Variants in KCNMB2 observed in about 807,000 individuals in gnomAD.
KCNMB2 encodes potassium calcium-activated channel subfamily M regulatory beta subunit 2.
KCNMB2 carries 9 observed loss-of-function variants against 24.5 expected under a neutral mutation model. The ratio of observed to expected loss-of-function variants is 0.37; its 90% CI spans 0.22 to 0.64. The LOEUF is 0.64. Among genes scored for constraint, KCNMB2 ranks in the 30% least tolerant of loss-of-function variants. The pLI is 0.63. For synonymous variants in KCNMB2, 109 were observed against 104.4 expected, an observed-to-expected ratio of 1.04 and a Z score of -0.27; for missense variants, 226 against 284.3, an observed-to-expected ratio of 0.79 and a Z score of 1.47.
chr3:178,660,738 A>G (rs1053636227), intron 1 of KCNMB2, among the ~76,000 whole-genome samples: 2 of 152,156 alleles, frequency 1.3e-5, no homozygotes, highest in African/African-American at 4.8e-5. Flanking sequence ...GCTCAGGGTC[A>G]CAGAGCTGGT....
intron 1 of KCNMB2, among the ~76,000 whole-genome samples, chr3:178,610,610 C>T (rs1004400230): frequency 6.6e-6 from 1 of 152,194 alleles, no homozygotes; most frequent in Admixed American, 6.5e-5. Flanking sequence ...CTGTATCCTG[C>T]AACTTTACTG....
chr3:178,573,343 G>A (rs1223626276), intron 1 of KCNMB2, among the ~76,000 whole-genome samples: 1 of 152,074 alleles, frequency 6.6e-6, no homozygotes, highest in Non-Finnish European at 1.5e-5. Flanking sequence ...AAAAGTTTAT[G>A]AATTAAGGTC....
At chr3:178,703,636 C>T (rs775907281) in intron 1 of KCNMB2, among the ~76,000 whole-genome samples, 4 of 152,164 alleles carry the variant, frequency 2.6e-5, no homozygotes, top group Non-Finnish European at 5.9e-5. Flanking sequence ...TAATGCTGGA[C>T]CAAAATTATA....
chr3:178,732,145 C>T (rs1408475684), intron 1 of KCNMB2, among the ~76,000 whole-genome samples: 3 of 151,910 alleles, frequency 2.0e-5, no homozygotes, highest in East Asian at 1.9e-4. Flanking sequence ...AAAAAATTTG[C>T]GAGATACAAC....
At chr3:178,684,718 C>A (rs553351651) in intron 1 of KCNMB2, among the ~76,000 whole-genome samples, 4 of 152,186 alleles carry the variant, frequency 2.6e-5, no homozygotes, top group African/African-American at 9.6e-5. Context: ...GTAATCCCAA[C>A]TACTCGGGAG....
At chr3:178,800,646 C>T (rs983946562) in intron 1 of KCNMB2, among the ~76,000 whole-genome samples, 2 of 152,026 alleles carry the variant, frequency 1.3e-5, no homozygotes, top group African/African-American at 4.8e-5. Context: ...ATAAATAGAA[C>T]TACCATATAA....
At chr3:178,803,719 CTG>C (rs1280329835) in intron 1 of KCNMB2, among the ~76,000 whole-genome samples, 1 of 152,020 alleles carries the variant, frequency 6.6e-6, no homozygotes, top group African/African-American at 2.4e-5. Context: ...GATGAAGAAA[CTG>C]TTCATATGGG....
chr3:178,758,223 TATATATATATCCAAGGGG>T (rs1724264857), intron 1 of KCNMB2, among the ~76,000 whole-genome samples: 2 of 61,204 alleles, frequency 3.3e-5, no homozygotes, highest in Non-Finnish European at 5.7e-5. Context: ...GGGATATATA[TATATATATATCCAAGGGG>T]ATATATATAT....
intron 4 of KCNMB2, among the ~76,000 whole-genome samples, chr3:178,840,557 T>C (rs748169773): frequency 6.6e-6 from 1 of 152,278 alleles, no homozygotes; most frequent in African/African-American, 2.4e-5. Context: ...CAGGCATTTC[T>C]ATCTATCCTC....
intron 1 of KCNMB2, among the ~76,000 whole-genome samples, chr3:178,633,766 T>G (rs1399921011): frequency 6.6e-6 from 1 of 152,270 alleles, no homozygotes; most frequent in Non-Finnish European, 1.5e-5. Flanking sequence ...ACTACTGGCT[T>G]GAATTTCTTC....
At chr3:178,787,257 G>A (rs527657894) in intron 1 of KCNMB2, among the ~76,000 whole-genome samples, 3 of 152,186 alleles carry the variant, frequency 2.0e-5, no homozygotes, top group East Asian at 3.9e-4. Context: ...TATACTTAAT[G>A]CTTCCCATGT....
intron 1 of KCNMB2, among the ~76,000 whole-genome samples, chr3:178,652,416 T>C (rs976924030): frequency 1.3e-5 from 2 of 152,002 alleles, no homozygotes; most frequent in South Asian, 2.1e-4. Context: ...TGTATACCTA[T>C]GTAAAAAACC....
chr3:178,779,150 C>A (rs1021497331), intron 1 of KCNMB2, among the ~76,000 whole-genome samples: 1 of 152,196 alleles, frequency 6.6e-6, no homozygotes, highest in Non-Finnish European at 1.5e-5. Context: ...ACAACATGGA[C>A]CTTCTACTTG....
chr3:178,570,469 A>G (rs1716732482), intron 1 of KCNMB2, among the ~76,000 whole-genome samples: 3 of 151,568 alleles, frequency 2.0e-5, no homozygotes. Context: ...CATTATAATT[A>G]AAATATTTCC....
At chr3:178,631,884 T>A (rs948516746) in intron 1 of KCNMB2, among the ~76,000 whole-genome samples, 2 of 152,208 alleles carry the variant, frequency 1.3e-5, no homozygotes, top group Non-Finnish European at 2.9e-5. Context: ...AATTCTCACA[T>A]GGAGAAAACA....
intron 1 of KCNMB2, among the ~76,000 whole-genome samples, chr3:178,596,250 T>A (rs1183769902): frequency 6.6e-6 from 1 of 152,172 alleles, no homozygotes; most frequent in Non-Finnish European, 1.5e-5. Context: ...TCAATTTCAA[T>A]AACCTATCCT....
intron 4 of KCNMB2, among the ~76,000 whole-genome samples, chr3:178,838,570 CAA>C (rs10706377): frequency 3.3e-3 from 433 of 132,266 alleles, no homozygotes; most frequent in Non-Finnish European, 4.1e-3. Context: ...TACAGCTCAG[CAA>C]AAAAAAAAAA....
chr3:178,755,447 T>C (rs141043615), intron 1 of KCNMB2, among the ~76,000 whole-genome samples: 26 of 152,326 alleles, frequency 1.7e-4, no homozygotes, highest in Middle Eastern at 3.4e-3. Context: ...TAGGAAAATG[T>C]ATTTTACTAT....
chr3:178,583,729 T>C (rs1051066372), intron 1 of KCNMB2, among the ~76,000 whole-genome samples: 4 of 152,188 alleles, frequency 2.6e-5, no homozygotes, highest in Admixed American at 6.5e-5. Flanking sequence ...CCTTACGCTC[T>C]TCACAGAGAT....
Sources: gnomAD v4.1 joint callset for allele counts (sites outside exome capture counted in the v4.1 genomes callset) on GRCh38, gnomAD v4.1.1 for gene constraint, MANE v1.5 for transcripts, NCBI Gene and HGNC (gene_info 2026-07-23, HGNC 2026-07-21) for gene names.